The following LMTK2 variants were observed in gnomAD, a reference collection of about 807,000 sequenced individuals.
LMTK2 encodes lemur tail kinase 2.
A neutral mutation model predicts 127.5 loss-of-function variants in LMTK2; 37 were observed. That is an observed-to-expected ratio of 0.29 (90% CI 0.22 to 0.38). LMTK2 has a LOEUF of 0.38. Ranked by LOEUF, LMTK2 falls within the 10% of genes least tolerant of loss-of-function variation. The pLI is 1.00. For synonymous variants in LMTK2, 819 were observed against 810.1 expected, an observed-to-expected ratio of 1.01 and a Z score of -0.19; for missense variants, 1,694 against 1,920.3, an observed-to-expected ratio of 0.88 and a Z score of 2.20.
At position 98,159,406 on chromosome 7, in the gene LMTK2, T is replaced by C. The variant is rs1227915714; in HGVS notation, c.638T>C (p.Val213Ala). ...QCVEAIPYLL[V>A]FEFCDLGDLK... is the part of the protein sequence containing the mutation. ...GTAGAAGCGATTCCCTACCTCCTGG[T>C]GTTTGAGTTCTGTGACTTGGTAAGT... The change falls in exon 6 of 14, where the codon GTG becomes GCG. Residue 213 changes from valine (V) to alanine (A), a missense_variant. By Grantham distance (64) the Val-to-Ala change is moderately conservative. Coordinates refer to ENST00000297293, the MANE Select transcript of LMTK2 (RefSeq NM_014916.4). The C allele has an allele frequency of 8.7e-6, 14 of 1,610,094 alleles. No homozygotes were observed. The highest frequency in any genetic ancestry group is 1.2e-5 in the Non-Finnish European group (14 of 1,176,854).
rs764774537 is a variant in LMTK2 at position 98,192,751 on chromosome 7, A to G, written c.2286A>G (p.Ser762=). 6 of 1,613,610 alleles carry G rather than the reference A, an allele frequency of 3.7e-6. No homozygotes were observed. The East Asian group carries it at 8.9e-5, about 24-fold the overall frequency. The change falls in exon 11 of 14, where the codon TCA becomes TCG. Residue 762 remains serine, a synonymous_variant. Coordinates refer to ENST00000297293, the MANE Select transcript of LMTK2 (RefSeq NM_014916.4). ...AGFTEAMLET[S]CRNSLDTELQ... is the part of the protein sequence containing the mutation. ...TTACTGAAGCTATGTTAGAAACGTC[A>G]TGTAGAAACTCTTTAGATACTGAGC...
chr7:98,176,144 T>C (rs1414764291), intron 7 of LMTK2, among the ~76,000 whole-genome samples: 1 of 152,346 alleles, frequency 6.6e-6, no homozygotes, highest in East Asian at 1.9e-4. Flanking sequence ...AAAATATGTC[T>C]ACATAATTCA....
chr7:98,134,656 G>GA (rs58105358), intron 1 of LMTK2, among the ~76,000 whole-genome samples: 10,877 of 123,632 alleles, frequency 0.088, 716 homozygotes, highest in East Asian at 0.36. Context: ...TCTCTCAATA[G>GA]AAAAAAAAAA....
intron 6 of LMTK2, among the ~76,000 whole-genome samples, chr7:98,167,202 T>G (rs1371060678): frequency 6.6e-6 from 1 of 152,248 alleles, no homozygotes; most frequent in Non-Finnish European, 1.5e-5. Flanking sequence ...CTAAGTGTTT[T>G]TTCTTTTTTC....
At chr7:98,135,152 C>G (rs531172547) in intron 1 of LMTK2, among the ~76,000 whole-genome samples, 1 of 152,126 alleles carries the variant, frequency 6.6e-6, no homozygotes, top group Non-Finnish European at 1.5e-5. Context: ...ATTTTAGATT[C>G]AAGAATGTGT....
chr7:98,196,145 C>G (rs1227929616), intron 11 of LMTK2, among the ~76,000 whole-genome samples: 2 of 150,948 alleles, frequency 1.3e-5, no homozygotes, highest in Non-Finnish European at 2.9e-5. Context: ...GCCAAGATTG[C>G]ACCACTGCAC....
chr7:98,115,171 G>T (rs1416555809), intron 1 of LMTK2, among the ~76,000 whole-genome samples: 1 of 152,086 alleles, frequency 6.6e-6, no homozygotes, highest in Admixed American at 6.6e-5. Flanking sequence ...TCCCAGCACG[G>T]TGGGAGGTCG....
chr7:98,173,437 G>A (rs1010041866), intron 7 of LMTK2, among the ~76,000 whole-genome samples: 1 of 151,922 alleles, frequency 6.6e-6, no homozygotes, highest in African/African-American at 2.4e-5. Flanking sequence ...TTTTATAACA[G>A]GCTGTTATCT....
rs140597723 is a variant in LMTK2 at position 98,185,162 on chromosome 7, G to T, written c.876+27G>T. 1,460 of 1,497,074 alleles carry T rather than the reference G, an allele frequency of 9.8e-4. 13 individuals carry two copies. The African/African-American group carries it at 0.015, about 15-fold the overall frequency. The allele number at this position is 1,497,074 out of a possible 1,614,324, so 92.7% of individuals were successfully genotyped here. On this transcript the variant is annotated intron_variant, in intron 8 of 13. Transcript: ENST00000297293. ...TAAGCCAGAGGTTTAAATGTTTTCA[G>T]TCTGATTTAATTTGAATTGTGAAGT...
intron 11 of LMTK2, among the ~76,000 whole-genome samples, chr7:98,196,800 C>G (rs1053461198): frequency 6.6e-6 from 1 of 152,176 alleles, no homozygotes; most frequent in Admixed American, 6.5e-5. Context: ...ACCAGACATG[C>G]TTAATGGACG....
chr7:98,139,605 G>T lies in LMTK2; in HGVS notation c.232-1792G>T, dbSNP rs1010841164. Among the ~76,000 whole-genome samples the T allele has an allele frequency of 2.6e-5, 4 of 152,102 alleles. No individual in the cohort carries two copies. In the East Asian group the frequency reaches 7.7e-4, roughly 29 times the overall value. On this transcript the variant is annotated intron_variant, in intron 2 of 13. Coordinates refer to ENST00000297293, the MANE Select transcript of LMTK2 (RefSeq NM_014916.4). Reference sequence around the variant, plus strand: ...AAAAGAAAATTGAAGGATTTCCTCTGTTCAAAAATCCCCTCCCAGATTGAA... The same window carrying T: ...AAAAGAAAATTGAAGGATTTCCTCTTTTCAAAAATCCCCTCCCAGATTGAA...
Position 98,107,118 on chromosome 7 carries a change from A to G in LMTK2, c.-60A>G. On this transcript the variant is annotated 5_prime_UTR_variant, in exon 1 of 14. Transcript: ENST00000297293. ...GGGAGGCAGGATCGACTGACGGGCG[A>G]ACGGACGGACGGACGGAAGGCGACT... 7.7e-7 allele frequency: 1 copy of G among 1,294,366 alleles called. No homozygotes were observed. Among genetic ancestry groups the G allele is most frequent in the Admixed American group, 3.7e-5 (1 of 27,208 alleles). The allele number at this position is 1,294,366 out of a possible 1,614,324, so 80.2% of individuals were successfully genotyped here.
intron 7 of LMTK2, among the ~76,000 whole-genome samples, chr7:98,178,521 T>G (rs984742035): frequency 6.6e-6 from 1 of 152,182 alleles, no homozygotes; most frequent in Non-Finnish European, 1.5e-5. Context: ...TGCCAGAGCC[T>G]TCTGAGAGCC....
At chr7:98,115,197 G>T (rs1205033203) in intron 1 of LMTK2, among the ~76,000 whole-genome samples, 1 of 151,958 alleles carries the variant, frequency 6.6e-6, no homozygotes, top group Admixed American at 6.6e-5. Context: ...GGTGGATCAC[G>T]TGAGGTCAGG....
chr7:98,108,317 G>T (rs1333535408), intron 1 of LMTK2, among the ~76,000 whole-genome samples: 1 of 152,120 alleles, frequency 6.6e-6, no homozygotes, highest in East Asian at 1.9e-4. Context: ...AACTGTTTTG[G>T]AATACTCTCG....
intron 3 of LMTK2, among the ~76,000 whole-genome samples, chr7:98,141,751 T>TGAGA (rs1796703433): frequency 6.6e-6 from 1 of 152,238 alleles, no homozygotes; most frequent in South Asian, 2.1e-4. Context: ...GGGTCTGGTA[T>TGAGA]GAGAATAAAA....
Position 98,151,564 on chromosome 7 carries a change from C to T in LMTK2, c.450+109C>T, listed in dbSNP as rs1056315893. 7.2e-6 allele frequency: 6 copies of T among 828,560 alleles called. No homozygotes were observed. The South Asian group carries it at 1.1e-4, about 15-fold the overall frequency. The allele number at this position is 828,560 out of a possible 1,614,324, so 51.3% of individuals were successfully genotyped here. A position where few individuals can be genotyped will look rare whatever the true frequency, so the allele number is the denominator to read the frequency against. ...AGTTCCACGTGCCCTGTGGGCCCTG[C>T]GTTACTAATTGAGTTTCCCCATTCC... is the stretch of plus-strand genomic sequence containing the variant. On this transcript the variant is annotated intron_variant, in intron 4 of 13. Transcript: ENST00000297293.
At chr7:98,161,010 A>T (rs1340618542) in intron 6 of LMTK2, among the ~76,000 whole-genome samples, 3 of 152,168 alleles carry the variant, frequency 2.0e-5, no homozygotes, top group Non-Finnish European at 4.4e-5. Flanking sequence ...TTGTTAAAAA[A>T]TTTTTAAATC....
At chr7:98,139,529 G>C (rs1302457375) in intron 2 of LMTK2, among the ~76,000 whole-genome samples, 3 of 152,140 alleles carry the variant, frequency 2.0e-5, no homozygotes, top group Non-Finnish European at 2.9e-5. Context: ...TTTTAAGGTA[G>C]GAGTGATGGA....
Sources: allele counts gnomAD v4.1 joint callset (sites outside exome capture counted in the v4.1 genomes callset), GRCh38; gene constraint gnomAD v4.1.1; transcripts MANE v1.5; gene names NCBI Gene and HGNC (gene_info 2026-07-23, HGNC 2026-07-21).